The following PANK2 variants were observed in gnomAD, a reference collection of about 807,000 sequenced individuals.
PANK2 encodes the protein pantothenate kinase 2, mitochondrial.
Under a neutral mutation model 43.1 loss-of-function variants are expected in PANK2, and 36 were observed. The ratio of observed to expected loss-of-function variants is 0.84; its 90% CI spans 0.64 to 1.10. PANK2 has a LOEUF of 1.10. PANK2 is among the 50% of genes least tolerant of loss of function. PANK2 has a pLI of 0.00. For synonymous variants in PANK2, 281 were observed against 238.2 expected, an observed-to-expected ratio of 1.18 and a Z score of -1.66; for missense variants, 576 against 593.3, an observed-to-expected ratio of 0.97 and a Z score of 0.30.
rs1427408420 is a variant in PANK2, at chr20:3,912,530, A to G, written c.978A>G (p.Glu326=). The change falls in exon 4 of 7, where the codon GAA becomes GAG. Residue 326 remains glutamate (E), a synonymous_variant. Coordinates refer to ENST00000610179, the MANE Select transcript of PANK2 (RefSeq NM_001386393.1). ...GTACCACTTTTGAAGAAGCTCTTGAAATGGCATCTCGTGGAGATAGCACCA... is the reference window on the plus strand; with the variant it reads ...GTACCACTTTTGAAGAAGCTCTTGAGATGGCATCTCGTGGAGATAGCACCA... 2 of 1,614,212 alleles carry G rather than the reference A, an allele frequency of 1.2e-6. No individual in the cohort carries two copies. The highest frequency in any genetic ancestry group is 1.3e-5 in the African/African-American group (1 of 75,056).
At chr20:3,897,391 A>G (rs4815621) in intron 1 of PANK2, among the ~76,000 whole-genome samples, 103,005 of 152,020 alleles carry the variant, frequency 0.68, 35,202 homozygotes, top group Admixed American at 0.77. Context: ...ACTAGAAGGC[A>G]GGGGCCTTCT....
chr20:3,917,366 C>CT (rs2090578537), intron 5 of PANK2: 3 of 504,536 alleles, frequency 5.9e-6, no homozygotes, highest in Non-Finnish European at 4.1e-6. Context: ...TGAATGTAGA[C>CT]TCCACACTCA....
chr20:3,905,033 G>C (rs986490889), intron 1 of PANK2, among the ~76,000 whole-genome samples: 45 of 152,160 alleles, frequency 3.0e-4, no homozygotes, highest in African/African-American at 1.1e-3. Flanking sequence ...GTGCCATCCT[G>C]ATTCTGGGGC....
chr20:3,919,697 T>G (rs997392054), intron 6 of PANK2, among the ~76,000 whole-genome samples: 1 of 152,218 alleles, frequency 6.6e-6, no homozygotes, highest in African/African-American at 2.4e-5. Context: ...AGGGGTTCTT[T>G]CTTCCCTTCT....
At chr20:3,908,318 G>A (rs1219361536) in intron 2 of PANK2, 40 bp downstream of exon 2, 4 of 1,499,884 alleles carry the variant, frequency 2.7e-6, no homozygotes, top group Admixed American at 1.8e-5. Context: ...ATGGTAATTT[G>A]ATTGTTAAAA....
intron 1 of PANK2, among the ~76,000 whole-genome samples, chr20:3,906,622 G>A (rs564314889): frequency 5.3e-5 from 8 of 151,830 alleles, no homozygotes; most frequent in South Asian, 2.1e-4. Context: ...ATAAAATGTC[G>A]AATATCTTGT....
chr20:3,905,655 C>A (rs1008382679), intron 1 of PANK2, among the ~76,000 whole-genome samples: 19 of 151,440 alleles, frequency 1.3e-4, no homozygotes, highest in Admixed American at 1.3e-3. Flanking sequence ...CCTGCTATCT[C>A]TTCTTGTTTC....
chr20:3,906,793 A>G (rs563450028), intron 1 of PANK2, among the ~76,000 whole-genome samples: 34 of 149,226 alleles, frequency 2.3e-4, no homozygotes, highest in African/African-American at 7.4e-4. Flanking sequence ...CTTTGATCCA[A>G]TCTCTTCAGG....
chr20:3,909,933 C>T (rs973979160), intron 2 of PANK2, among the ~76,000 whole-genome samples: 5 of 152,124 alleles, frequency 3.3e-5, no homozygotes, highest in East Asian at 3.9e-4. Context: ...CTCCATAATA[C>T]GAATAATAAT....
intron 1 of PANK2, chr20:3,889,982 C>T (rs2090093118): frequency 6.9e-6 from 10 of 1,447,550 alleles, no homozygotes; most frequent in African/African-American, 1.4e-5. Flanking sequence ...CAGGACCTGT[C>T]CTCCCTTTTC....
At position 3,910,564 on chromosome 20, in the gene PANK2, TATTTC is replaced by T. The variant is rs1226511074; in HGVS notation, c.652-9_652-5del. ...TTATTAAAAAGTCTGAGTACATTCT[TATTTC>T]ATTACAGATAGGTGATCTTCAGCTT... is the stretch of plus-strand genomic sequence containing the variant. On this transcript the variant is annotated splice_polypyrimidine_tract_variant and splice_region_variant and intron_variant, in intron 2 of 6. Coordinates refer to ENST00000610179, the MANE Select transcript of PANK2 (RefSeq NM_001386393.1). 3.1e-6 allele frequency: 5 copies of T among 1,613,968 alleles called. No individual in the cohort carries two copies. Among genetic ancestry groups the T allele is most frequent in the East Asian group, 2.2e-5 (1 of 44,884 alleles).
intron 2 of PANK2, among the ~76,000 whole-genome samples, chr20:3,910,336 T>A (rs1265195115): frequency 6.7e-6 from 1 of 148,764 alleles, no homozygotes; most frequent in Admixed American, 6.7e-5. Context: ...TTGGTCACAC[T>A]TATTCAGCTG....
At chr20:3,914,310 T>G (rs776707339) in intron 4 of PANK2, among the ~76,000 whole-genome samples, 1 of 151,992 alleles carries the variant, frequency 6.6e-6, no homozygotes, top group African/African-American at 2.4e-5. Flanking sequence ...TGAAGTGATA[T>G]CTTGTAGCGT....
At chr20:3,908,552 C>T in intron 2 of PANK2, 1 of 442,834 alleles carries the variant, frequency 2.3e-6, no homozygotes, top group Non-Finnish European at 4.1e-6. Flanking sequence ...GAGGAAGAAA[C>T]TACCTAAAAG....
Position 3,923,416 on chromosome 20 carries a change from G to C in PANK2, c.*122G>C. 1.9e-6 allele frequency: 2 copies of C among 1,055,958 alleles called. No homozygotes were observed. The highest frequency in any genetic ancestry group is 2.9e-6 in the Non-Finnish European group (2 of 689,186). The allele number at this position is 1,055,958 out of a possible 1,614,324, so 65.4% of individuals were successfully genotyped here. The stretch of plus-strand genomic sequence containing the variant: ...TGAAACAAAGTGAGAAAGGACAGGT[G>C]TATTTTTCTAAGTCATCAAGATAAA... On this transcript the variant is annotated 3_prime_UTR_variant, in exon 7 of 7. Coordinates refer to ENST00000610179, the MANE Select transcript of PANK2 (RefSeq NM_001386393.1).
chr20:3,901,783 G>A (rs2090306057), intron 1 of PANK2, among the ~76,000 whole-genome samples: 1 of 151,982 alleles, frequency 6.6e-6, no homozygotes, highest in African/African-American at 2.4e-5. Context: ...AAGTAAAGTT[G>A]ATCCCTTACA....
At chr20:3,912,403 C>T in intron 3 of PANK2, 55 bp from the exon 4 acceptor site, 1 of 1,583,112 alleles carries the variant, frequency 6.3e-7, no homozygotes, top group Non-Finnish European at 8.7e-7. Context: ...ATGTTAACTT[C>T]TTGTTCTTAT....
chr20:3,920,584 C>G (rs374962041), intron 6 of PANK2, among the ~76,000 whole-genome samples: 1 of 151,992 alleles, frequency 6.6e-6, no homozygotes, highest in African/African-American at 2.4e-5. Flanking sequence ...CAGCGGCTCA[C>G]GCCTGTAATC....
chr20:3,923,100 G>A (rs2090672236), intron 6 of PANK2, 144 bp from the exon 7 acceptor site: 6 of 897,506 alleles, frequency 6.7e-6, no homozygotes, highest in Non-Finnish European at 1.1e-5. Flanking sequence ...CTGCTCCCAG[G>A]CTGGCCTTGG....
Sources: gnomAD v4.1 joint callset for allele counts (sites outside exome capture counted in the v4.1 genomes callset) on GRCh38, gnomAD v4.1.1 for gene constraint, MANE v1.5 for transcripts, NCBI Gene and HGNC (gene_info 2026-07-23, HGNC 2026-07-21) for gene names.